SYT1: variants seen among roughly 807,000 people sequenced by gnomAD.
The protein encoded by SYT1 is synaptotagmin-1.
A neutral mutation model predicts 44.8 loss-of-function variants in SYT1; 8 were observed. The observed-to-expected ratio is 0.18, with a 90% CI of 0.10 to 0.32. The LOEUF (loss-of-function observed/expected upper bound fraction) is 0.32, where lower values mean the gene tolerates loss of function less well. SYT1 is among the 10% of genes least tolerant of loss of function. The pLI, the probability that SYT1 is intolerant of heterozygous loss-of-function variation, is 1.00. For missense variants in SYT1, 286 were observed against 509.3 expected (o/e 0.56, Z 4.22); for synonymous variants, 154 against 188.8 (o/e 0.82, Z 1.51).
At chr12:79,374,610 A>G (rs1883920694) in intron 9 of SYT1, among the ~76,000 whole-genome samples, 1 of 152,242 alleles carries the variant, frequency 6.6e-6, no homozygotes, top group African/African-American at 2.4e-5. Flanking sequence ...ATTCAATGTC[A>G]CCAGAAGGAT....
At chr12:79,387,096 T>C (rs528521503) in intron 9 of SYT1, among the ~76,000 whole-genome samples, 1 of 152,232 alleles carries the variant, frequency 6.6e-6, no homozygotes, top group Non-Finnish European at 1.5e-5. Context: ...TATCTTAACC[T>C]GATTTTATCC....
chr12:79,219,906 G>A (rs1396035298), intron 4 of SYT1, among the ~76,000 whole-genome samples: 3 of 151,926 alleles, frequency 2.0e-5, no homozygotes, highest in African/African-American at 7.2e-5. Context: ...GTATTTTGTA[G>A]TGTCTTTGTC....
intron 8 of SYT1, among the ~76,000 whole-genome samples, chr12:79,326,017 GA>G (rs1881593239): frequency 6.6e-6 from 1 of 152,026 alleles, no homozygotes; most frequent in Non-Finnish European, 1.5e-5. Flanking sequence ...TTGATGGGGG[GA>G]AAATATACAA....
At chr12:79,313,186 A>G (rs774659305) in intron 8 of SYT1, among the ~76,000 whole-genome samples, 14 of 152,214 alleles carry the variant, frequency 9.2e-5, no homozygotes, top group Non-Finnish European at 2.1e-4. Context: ...TACATGCAAT[A>G]TTAACTAAAT....
chr12:79,137,240 C>T (rs1441176448), intron 3 of SYT1, among the ~76,000 whole-genome samples: 9 of 151,986 alleles, frequency 5.9e-5, no homozygotes, highest in Admixed American at 3.3e-4. Flanking sequence ...GGATTACAGG[C>T]GTGCACCACC....
intron 8 of SYT1, among the ~76,000 whole-genome samples, chr12:79,335,090 T>C (rs1882027688): frequency 6.6e-6 from 1 of 152,202 alleles, no homozygotes; most frequent in African/African-American, 2.4e-5. Flanking sequence ...TTGACCTCCC[T>C]CTTTACATTA....
intron 3 of SYT1, among the ~76,000 whole-genome samples, chr12:79,154,224 C>A (rs1434401166): frequency 1.3e-5 from 2 of 152,038 alleles, no homozygotes; most frequent in Non-Finnish European, 2.9e-5. Context: ...AGAAGCTCTT[C>A]AATTTCAGAA....
intron 8 of SYT1, among the ~76,000 whole-genome samples, chr12:79,323,648 C>T (rs1039069464): frequency 2.6e-5 from 4 of 151,942 alleles, no homozygotes; most frequent in Non-Finnish European, 5.9e-5. Context: ...TCATGGATGC[C>T]AACATGCTGT....
intron 4 of SYT1, among the ~76,000 whole-genome samples, chr12:79,265,161 A>G (rs2138745192): frequency 1.3e-5 from 2 of 152,280 alleles, no homozygotes; most frequent in South Asian, 4.1e-4. Context: ...TATCCACTAC[A>G]CTAAGTACTT....
intron 9 of SYT1, among the ~76,000 whole-genome samples, chr12:79,402,582 C>A (rs760767803): frequency 6.6e-6 from 1 of 152,024 alleles, no homozygotes; most frequent in Non-Finnish European, 1.5e-5. Flanking sequence ...TCAATCACAT[C>A]GATGCCAGAG....
chr12:79,355,139 C>T (rs11113881), intron 9 of SYT1, among the ~76,000 whole-genome samples: 18 of 152,238 alleles, frequency 1.2e-4, no homozygotes, highest in African/African-American at 3.6e-4. Flanking sequence ...ACTTCTCCAC[C>T]GTCTGTCCCC....
intron 9 of SYT1, among the ~76,000 whole-genome samples, chr12:79,410,796 A>G (rs1868387494): frequency 6.6e-6 from 1 of 152,186 alleles, no homozygotes; most frequent in Admixed American, 6.6e-5. Flanking sequence ...ATTTAAGGTC[A>G]TGTATTTGTA....
intron 3 of SYT1, among the ~76,000 whole-genome samples, chr12:79,194,188 G>C (rs1873300934): frequency 6.6e-6 from 1 of 152,010 alleles, no homozygotes; most frequent in South Asian, 2.1e-4. Context: ...AGTAAATCTA[G>C]TATAACATTG....
At chr12:79,227,602 A>C (rs1875598854) in intron 4 of SYT1, among the ~76,000 whole-genome samples, 1 of 152,196 alleles carries the variant, frequency 6.6e-6, no homozygotes, top group Non-Finnish European at 1.5e-5. Context: ...AGAAATTAAA[A>C]ATACAAGCTC....
chr12:79,260,277 T>TAC (rs1449307231), intron 4 of SYT1, among the ~76,000 whole-genome samples: 2 of 152,122 alleles, frequency 1.3e-5, no homozygotes, highest in African/African-American at 2.4e-5. Context: ...TAGCTAACTT[T>TAC]ACACACACAC....
intron 3 of SYT1, among the ~76,000 whole-genome samples, chr12:79,196,444 G>C (rs1325194578): frequency 3.3e-5 from 5 of 152,076 alleles, no homozygotes; most frequent in African/African-American, 9.7e-5. Context: ...GAGATTACAG[G>C]CATGAGCCAT....
chr12:79,029,823 A>G (rs1008971706), intron 2 of SYT1, among the ~76,000 whole-genome samples: 2 of 151,180 alleles, frequency 1.3e-5, no homozygotes, highest in African/African-American at 4.8e-5. Flanking sequence ...AAATGTAGAA[A>G]GAAAAGTTAG....
At chr12:79,126,038 T>C (rs1565817764) in intron 3 of SYT1, among the ~76,000 whole-genome samples, 1 of 152,228 alleles carries the variant, frequency 6.6e-6, no homozygotes, top group Non-Finnish European at 1.5e-5. Flanking sequence ...CTGTATGTCA[T>C]GGCAGAAAAC....
At chr12:79,321,646 T>TAGGC in intron 8 of SYT1, among the ~76,000 whole-genome samples, 1 of 152,210 alleles carries the variant, frequency 6.6e-6, no homozygotes, top group East Asian at 1.9e-4. Flanking sequence ...AAGGATCATT[T>TAGGC]AGGCCAGGGC....
Sources: gnomAD v4.1 joint callset for allele counts (sites outside exome capture counted in the v4.1 genomes callset) on GRCh38, gnomAD v4.1.1 for gene constraint, MANE v1.5 for transcripts, NCBI Gene and HGNC (gene_info 2026-07-23, HGNC 2026-07-21) for gene names.